IL12RB2: variants seen among roughly 807,000 people sequenced by gnomAD.
The protein encoded by IL12RB2 is interleukin-12 receptor subunit beta-2.
Under a neutral mutation model 89.4 loss-of-function variants are expected in IL12RB2, and 82 were observed. The ratio of observed to expected loss-of-function variants is 0.92; its 90% confidence interval spans 0.77 to 1.10. The LOEUF is 1.10. Among genes scored for constraint, IL12RB2 ranks in the 50% least tolerant of loss-of-function variants. IL12RB2 has a pLI of 0.00. For synonymous variants in IL12RB2, 368 were observed against 370.1 expected, an observed-to-expected ratio of 0.99 and a Z score of 0.07; for missense variants, 963 against 1,031.9, an observed-to-expected ratio of 0.93 and a Z score of 0.92.
intron 2 of IL12RB2, among the ~76,000 whole-genome samples, chr1:67,314,374 G>A (rs1043856100): frequency 3.3e-5 from 5 of 152,126 alleles, no homozygotes; most frequent in Admixed American, 2.6e-4. Flanking sequence ...CAGCCTCAGT[G>A]GGGTTCTTAC....
intron 1 of IL12RB2, among the ~76,000 whole-genome samples, chr1:67,308,500 C>T (rs923579761): frequency 6.6e-5 from 10 of 152,262 alleles, no homozygotes; most frequent in Admixed American, 3.3e-4. Context: ...GGACTGACCC[C>T]GAGTCCCTGC....
intron 13 of IL12RB2, among the ~76,000 whole-genome samples, chr1:67,379,508 T>TCAAAAA (rs1664348356): frequency 4.3e-5 from 1 of 23,214 alleles, no homozygotes; most frequent in Non-Finnish European, 1.6e-4. Flanking sequence ...AGAACCTGTC[T>TCAAAAA]CAAAAAAAAA....
chr1:67,346,054 G>A lies in IL12RB2; in HGVS notation c.1039-4816G>A, dbSNP rs114304024. On this transcript the variant is annotated intron_variant, in intron 9 of 16. Coordinates refer to ENST00000674203, the MANE Select transcript of IL12RB2 (RefSeq NM_001374259.2). ...CAGTTCAGTATAGCAGAACACTGGG[G>A]AGTATCTAGGAAGTGCTAGCATGGT... 9.2e-3 allele frequency among the ~76,000 whole-genome samples: 1,396 copies of A among 152,236 alleles called. 19 individuals are homozygous for A. The highest frequency in any genetic ancestry group is 0.032 in the African/African-American group (1,326 of 41,532).
At chr1:67,325,305 C>A (rs1657139342) in intron 4 of IL12RB2, among the ~76,000 whole-genome samples, 1 of 152,208 alleles carries the variant, frequency 6.6e-6, no homozygotes, top group African/African-American at 2.4e-5. Context: ...CTCTGTCACC[C>A]AGGCTGGAGT....
At chr1:67,375,847 CTTT>C (rs1211630762) in intron 13 of IL12RB2, among the ~76,000 whole-genome samples, 9 of 136,004 alleles carry the variant, frequency 6.6e-5, no homozygotes, top group Admixed American at 2.2e-4. Context: ...TTTTCTTTTT[CTTT>C]TTTTTTTTTT....
chr1:67,387,894 G>A (rs528049966), intron 15 of IL12RB2, among the ~76,000 whole-genome samples: 1 of 151,896 alleles, frequency 6.6e-6, no homozygotes, highest in East Asian at 2.0e-4. Flanking sequence ...TAACATGACT[G>A]AGGCTGGGCG....
intron 13 of IL12RB2, among the ~76,000 whole-genome samples, chr1:67,377,815 A>G (rs1205878335): frequency 6.6e-6 from 1 of 151,960 alleles, no homozygotes; most frequent in African/African-American, 2.4e-5. Context: ...CAAAGTTGGC[A>G]AAATGAACCT....
intron 8 of IL12RB2, among the ~76,000 whole-genome samples, chr1:67,336,592 GA>G (rs1457642922): frequency 6.6e-6 from 1 of 152,190 alleles, no homozygotes; most frequent in Non-Finnish European, 1.5e-5. Context: ...GAAAAGAAAA[GA>G]AGTGAATGTT....
chr1:67,334,706 C>G (rs1022278277), intron 8 of IL12RB2, among the ~76,000 whole-genome samples: 2 of 152,156 alleles, frequency 1.3e-5, no homozygotes, highest in African/African-American at 4.8e-5. Flanking sequence ...GTCTCGATCT[C>G]CTGACCTTGG....
At chr1:67,367,459 C>CGAGG in intron 10 of IL12RB2, among the ~76,000 whole-genome samples, 1 of 19,356 alleles carries the variant, frequency 5.2e-5, no homozygotes, top group East Asian at 2.2e-3. Context: ...AGGAAAGGAA[C>CGAGG]GAGGGAAGGA....
intron 13 of IL12RB2, among the ~76,000 whole-genome samples, chr1:67,376,222 A>T (rs1033324366): frequency 1.3e-5 from 2 of 152,152 alleles, no homozygotes; most frequent in African/African-American, 4.8e-5. Context: ...GTCTCTAAGC[A>T]TCTTAAGGGA....
At chr1:67,310,626 A>G (rs2100497038) in intron 1 of IL12RB2, among the ~76,000 whole-genome samples, 1 of 152,350 alleles carries the variant, frequency 6.6e-6, no homozygotes, top group East Asian at 1.9e-4. Flanking sequence ...TAATAATAGC[A>G]GGTAACATTG....
intron 2 of IL12RB2, among the ~76,000 whole-genome samples, chr1:67,320,049 C>A (rs1041578745): frequency 2.6e-5 from 4 of 152,104 alleles, no homozygotes; most frequent in South Asian, 2.1e-4. Context: ...TGTTTATTAC[C>A]TACCCAGGTC....
chr1:67,358,948 C>G (rs1045216394), intron 10 of IL12RB2, among the ~76,000 whole-genome samples: 6 of 152,096 alleles, frequency 3.9e-5, no homozygotes, highest in Non-Finnish European at 8.8e-5. Flanking sequence ...TCGAGACCAG[C>G]CTGGCCAACA....
chr1:67,330,546 T>C (rs1224690760), intron 7 of IL12RB2, 114 bp from the exon 8 acceptor site: 10 of 677,012 alleles, frequency 1.5e-5, no homozygotes. Flanking sequence ...ATGGTAGGTC[T>C]GAAAAACAAA....
intron 14 of IL12RB2, among the ~76,000 whole-genome samples, chr1:67,381,500 G>A (rs918617604): frequency 5.9e-4 from 90 of 152,188 alleles, no homozygotes; most frequent in African/African-American, 2.0e-3. Flanking sequence ...ACGGTAGCTC[G>A]TGCCTGTAAT....
At chr1:67,339,573 C>T (rs1659293967) in intron 9 of IL12RB2, among the ~76,000 whole-genome samples, 3 of 151,694 alleles carry the variant, frequency 2.0e-5, no homozygotes, top group Admixed American at 2.0e-4. Flanking sequence ...GTAAATTAGA[C>T]AACTTTCCAG....
intron 14 of IL12RB2, among the ~76,000 whole-genome samples, chr1:67,385,641 C>A (rs142665678): frequency 6.6e-6 from 1 of 152,188 alleles, no homozygotes; most frequent in Admixed American, 6.5e-5. Flanking sequence ...TACTACTCAG[C>A]GAGTGCTGGA....
chr1:67,362,385 T>C (rs1436924825), intron 10 of IL12RB2, among the ~76,000 whole-genome samples: 3 of 146,360 alleles, frequency 2.0e-5, no homozygotes, highest in Non-Finnish European at 4.5e-5. Context: ...GCTAACAAGG[T>C]GAAACCCCGT....
Sources: allele counts gnomAD v4.1 joint callset (sites outside exome capture counted in the v4.1 genomes callset), GRCh38; gene constraint gnomAD v4.1.1; transcripts MANE v1.5; gene names NCBI Gene and HGNC (gene_info 2026-07-23, HGNC 2026-07-21).